The following CEP112 variants were observed in gnomAD, a reference collection of about 807,000 sequenced individuals.
CEP112 encodes the protein centrosomal protein 112.
A neutral mutation model predicts 153.0 loss-of-function variants in CEP112; 127 were observed. The ratio of observed to expected loss-of-function variants is 0.83; its 90% CI spans 0.72 to 0.96. The LOEUF is 0.96. CEP112 is among the 40% of genes least tolerant of loss of function. The pLI, the probability that CEP112 is intolerant of heterozygous loss-of-function variation, is 0.00. For missense variants in CEP112, 1,089 were observed against 1,101.2 expected, an observed-to-expected ratio of 0.99 and a Z score of 0.16; for synonymous variants, 358 against 374.4, an observed-to-expected ratio of 0.96 and a Z score of 0.51.
chr17:65,991,496 C>T (rs1322074173), intron 17 of CEP112, among the ~76,000 whole-genome samples: 1 of 122,820 alleles, frequency 8.1e-6, no homozygotes. Context: ...TTAAAAACAG[C>T]ACCATATCTT....
At chr17:65,931,679 C>T (rs1316982297) in intron 18 of CEP112, among the ~76,000 whole-genome samples, 1 of 152,228 alleles carries the variant, frequency 6.6e-6, no homozygotes, top group Admixed American at 6.5e-5. Context: ...GTTGACAGAT[C>T]TGCCAAGCTC....
At chr17:65,696,253 A>T (rs2048347942) in intron 23 of CEP112, among the ~76,000 whole-genome samples, 1 of 152,132 alleles carries the variant, frequency 6.6e-6, no homozygotes. Context: ...GTAAAATGCT[A>T]ATAGTGCCTG....
At chr17:65,927,078 T>C (rs2144174935) in intron 19 of CEP112, among the ~76,000 whole-genome samples, 1 of 152,012 alleles carries the variant, frequency 6.6e-6, no homozygotes, top group South Asian at 2.1e-4. Flanking sequence ...ATCCCCTTGG[T>C]GATAAGTGAG....
At chr17:65,682,925 TG>T (rs1391959884) in intron 24 of CEP112, among the ~76,000 whole-genome samples, 1 of 152,244 alleles carries the variant, frequency 6.6e-6, no homozygotes, top group Non-Finnish European at 1.5e-5. Context: ...TATCTTGTTT[TG>T]ATGTTCCCAA....
At chr17:65,881,622 T>C (rs1264415239) in intron 20 of CEP112, among the ~76,000 whole-genome samples, 1 of 152,154 alleles carries the variant, frequency 6.6e-6, no homozygotes, top group African/African-American at 2.4e-5. Flanking sequence ...TGGACATGGA[T>C]AAAAAGAACA....
intron 23 of CEP112, among the ~76,000 whole-genome samples, chr17:65,734,919 T>G (rs2050713432): frequency 6.6e-6 from 1 of 152,224 alleles, no homozygotes; most frequent in Non-Finnish European, 1.5e-5. Context: ...TGGTCTCTTT[T>G]GTATTTTGAA....
rs537612821 is a variant in CEP112, at chr17:66,082,478, T to C, written c.769-12477A>G. ...TAAGAACATCTTAAAATATTTAATATGTGGGTCAGGTGCGGTGCCTCATGC... is the reference window on the plus strand; with the variant it reads ...TAAGAACATCTTAAAATATTTAATACGTGGGTCAGGTGCGGTGCCTCATGC... On this transcript the variant is annotated intron_variant, in intron 8 of 26. Transcript: ENST00000535342. 2.0e-4 allele frequency among the ~76,000 whole-genome samples: 31 copies of C among 152,330 alleles called. No homozygotes were observed. The South Asian group carries it at 4.8e-3, about 23-fold the overall frequency.
chr17:65,787,330 A>G (rs946619689), intron 21 of CEP112, among the ~76,000 whole-genome samples: 1 of 152,086 alleles, frequency 6.6e-6, no homozygotes, highest in Non-Finnish European at 1.5e-5. Flanking sequence ...AAAATTTTAA[A>G]AATTCAGCTG....
chr17:65,934,616 A>T (rs752551770), intron 18 of CEP112, among the ~76,000 whole-genome samples: 1 of 152,208 alleles, frequency 6.6e-6, no homozygotes, highest in Non-Finnish European at 1.5e-5. Context: ...AATAAACAAA[A>T]CTCAACTACA....
intron 19 of CEP112, among the ~76,000 whole-genome samples, chr17:65,906,075 T>C (rs1420259397): frequency 1.3e-5 from 2 of 152,152 alleles, no homozygotes; most frequent in East Asian, 1.9e-4. Context: ...ATTTACACCA[T>C]ACTATGCAGC....
At chr17:65,859,837 T>C (rs1205017651) in intron 20 of CEP112, among the ~76,000 whole-genome samples, 1 of 140,950 alleles carries the variant, frequency 7.1e-6, no homozygotes, top group East Asian at 2.0e-4. Flanking sequence ...CGAAACCCTG[T>C]CTCTACTAAA....
At position 66,028,898 on chromosome 17, in the gene CEP112, T is replaced by C. The variant is rs138872195; in HGVS notation, c.1503+225A>G. On this transcript the variant is annotated intron_variant, in intron 14 of 26. Coordinates refer to ENST00000535342, the MANE Select transcript of CEP112 (RefSeq NM_001199165.4). ...ACTGGCACTTAAAATGATTAGCTTATAGCAGAATTCAGTTTATTAAATATT... is the reference window on the plus strand; with the variant it reads ...ACTGGCACTTAAAATGATTAGCTTACAGCAGAATTCAGTTTATTAAATATT... 2.6e-4 allele frequency among the ~76,000 whole-genome samples: 39 copies of C among 152,280 alleles called. No individual in the cohort carries two copies. In the East Asian group the frequency reaches 5.8e-3, roughly 23 times the overall value.
chr17:65,947,820 TATC>T (rs1424642625), intron 18 of CEP112, among the ~76,000 whole-genome samples: 1 of 152,144 alleles, frequency 6.6e-6, no homozygotes, highest in African/African-American at 2.4e-5. Context: ...ATTTCTACAT[TATC>T]ATCAATAATT....
chr17:65,913,521 T>C (rs886102529), intron 19 of CEP112: 1 of 985,348 alleles, frequency 1.0e-6, no homozygotes, highest in South Asian at 4.7e-5. Context: ...AGAACAGAAA[T>C]AGAATGTGTC....
chr17:65,856,146 C>T (rs1221343766), intron 20 of CEP112, among the ~76,000 whole-genome samples: 1 of 151,968 alleles, frequency 6.6e-6, no homozygotes. Context: ...AGACATGAAG[C>T]TGCAATTAAT....
intron 21 of CEP112, among the ~76,000 whole-genome samples, chr17:65,816,793 A>G (rs1431146499): frequency 2.6e-5 from 4 of 152,114 alleles, no homozygotes; most frequent in Non-Finnish European, 1.5e-5. Context: ...CAGGATAATG[A>G]TAAGTTCATA....
intron 5 of CEP112, among the ~76,000 whole-genome samples, chr17:66,130,063 T>C (rs113894005): frequency 1.6e-4 from 24 of 152,122 alleles, no homozygotes; most frequent in African/African-American, 5.8e-4. Flanking sequence ...ACAAAATACA[T>C]GTCATTCAGC....
chr17:65,937,516 A>G (rs1270895989), intron 18 of CEP112, among the ~76,000 whole-genome samples: 73 of 126,660 alleles, frequency 5.8e-4, no homozygotes, highest in South Asian at 1.6e-3. Flanking sequence ...GCCCCGTCTG[A>G]GAAGTGAGGA....
chr17:66,075,713 T>C (rs955460570), intron 8 of CEP112, among the ~76,000 whole-genome samples: 23 of 152,126 alleles, frequency 1.5e-4, no homozygotes, highest in South Asian at 4.1e-4. Context: ...GAGGACTAGA[T>C]TGCAGCTCCA....
Sources: allele counts gnomAD v4.1 joint callset (sites outside exome capture counted in the v4.1 genomes callset), GRCh38; gene constraint gnomAD v4.1.1; transcripts MANE v1.5; gene names NCBI Gene and HGNC (gene_info 2026-07-23, HGNC 2026-07-21).